TMEM117: variants seen among roughly 807,000 people sequenced by gnomAD.
TMEM117 encodes transmembrane protein 117.
TMEM117 carries 27 observed loss-of-function variants against 52.4 expected under a neutral mutation model. The observed-to-expected ratio is 0.51, with a 90% CI of 0.38 to 0.71. The LOEUF (loss-of-function observed/expected upper bound fraction) is 0.71, where lower values mean the gene tolerates loss of function less well. Ranked by LOEUF, TMEM117 falls within the 30% of genes least tolerant of loss-of-function variation. The pLI, the probability that TMEM117 is intolerant of heterozygous loss-of-function variation, is 0.00. For missense variants in TMEM117, 556 were observed against 630.5 expected (o/e 0.88, Z 1.26); for synonymous variants, 215 against 206.3 (o/e 1.04, Z -0.36).
intron 5 of TMEM117, among the ~76,000 whole-genome samples, chr12:44,267,392 A>G (rs950303600): frequency 3.9e-5 from 6 of 152,168 alleles, no homozygotes; most frequent in African/African-American, 1.4e-4. Context: ...AAAGTTGTAC[A>G]TATTTAATAT....
chr12:43,808,273 A>G, the TMEM117 span, among the ~76,000 whole-genome samples: 1 of 152,182 alleles, frequency 6.6e-6, no homozygotes, highest in Non-Finnish European at 1.5e-5. Context: ...GCTACCCTAC[A>G]CTTTCCAAAT....
chr12:43,817,846 C>T, the TMEM117 span, among the ~76,000 whole-genome samples: 2 of 152,134 alleles, frequency 1.3e-5, no homozygotes, highest in Non-Finnish European at 2.9e-5. Flanking sequence ...AAGCTTTATT[C>T]TTCAGAGAGT....
intron 6 of TMEM117, among the ~76,000 whole-genome samples, chr12:44,334,158 A>C (rs1472617831): frequency 3.3e-5 from 5 of 152,060 alleles, no homozygotes; most frequent in Admixed American, 6.6e-5. Context: ...TTCATGCCTA[A>C]TAAGATTGTA....
chr12:44,159,082 G>T (rs755323430), intron 4 of TMEM117, among the ~76,000 whole-genome samples: 16 of 152,168 alleles, frequency 1.1e-4, no homozygotes, highest in Admixed American at 3.3e-4. Context: ...GATTGGAGAT[G>T]GGGGCGGCAA....
intron 2 of TMEM117, among the ~76,000 whole-genome samples, chr12:43,890,127 A>G (rs1004047487): frequency 6.6e-6 from 1 of 152,228 alleles, no homozygotes; most frequent in East Asian, 1.9e-4. Context: ...CCCAGTATTC[A>G]TGACATGTTC....
intron 5 of TMEM117, among the ~76,000 whole-genome samples, chr12:44,237,680 G>A (rs879689539): frequency 7.9e-5 from 12 of 151,836 alleles, no homozygotes; most frequent in African/African-American, 2.2e-4. Flanking sequence ...TCCCACCACC[G>A]CACTCCCGCC....
intron 5 of TMEM117, among the ~76,000 whole-genome samples, chr12:44,254,654 A>G (rs1950236490): frequency 6.6e-6 from 1 of 151,752 alleles, no homozygotes; most frequent in Non-Finnish European, 1.5e-5. Flanking sequence ...TACCAGATAT[A>G]TATATATATA....
intron 3 of TMEM117, among the ~76,000 whole-genome samples, chr12:43,975,300 A>G (rs10880606): frequency 0.37 from 56,854 of 152,016 alleles, 13,301 homozygotes; most frequent in East Asian, 0.76. Context: ...TTGACTCTAT[A>G]TATTTGTAGT....
intron 4 of TMEM117, among the ~76,000 whole-genome samples, chr12:44,172,522 A>G (rs1305826290): frequency 6.6e-6 from 1 of 152,138 alleles, no homozygotes; most frequent in East Asian, 1.9e-4. Context: ...GTCATATTGG[A>G]TTAAGGGCTC....
the TMEM117 span, chr12:43,802,351 A>C: frequency 2.5e-6 from 4 of 1,599,012 alleles, no homozygotes; most frequent in African/African-American, 5.4e-5. Context: ...TGAGAATCTA[A>C]CCTGAATAAT....
At position 43,998,107 on chromosome 12, in the gene TMEM117, G is replaced by C. The variant is rs1946060785; in HGVS notation, c.410+53765G>C. Among the ~76,000 whole-genome samples the C allele has an allele frequency of 2.0e-5, 3 of 152,180 alleles. No homozygotes were observed. In the South Asian group the frequency reaches 6.2e-4, roughly 32 times the overall value. ...GTTTAAAGCGCTATGGAATCAACTAGGGAAGGTAAAATCTATAGCAAAAAT... is the reference window on the plus strand; with the variant it reads ...GTTTAAAGCGCTATGGAATCAACTACGGAAGGTAAAATCTATAGCAAAAAT... On this transcript the variant is annotated intron_variant, in intron 3 of 7. Coordinates refer to ENST00000266534, the MANE Select transcript of TMEM117 (RefSeq NM_032256.3).
intron 4 of TMEM117, among the ~76,000 whole-genome samples, chr12:44,199,563 AG>A (rs564787973): frequency 6.6e-6 from 1 of 152,194 alleles, no homozygotes; most frequent in African/African-American, 2.4e-5. Flanking sequence ...TTTCAGTGAT[AG>A]GGAAATTCTT....
At chr12:44,212,799 A>G (rs571833755) in intron 5 of TMEM117, among the ~76,000 whole-genome samples, 1 of 149,096 alleles carries the variant, frequency 6.7e-6, no homozygotes, top group Non-Finnish European at 1.5e-5. Flanking sequence ...CTGGCGGTTG[A>G]TTTTTTTTTT....
At chr12:43,983,899 T>C (rs775889683) in intron 3 of TMEM117, among the ~76,000 whole-genome samples, 24 of 152,214 alleles carry the variant, frequency 1.6e-4, no homozygotes, top group Non-Finnish European at 3.4e-4. Context: ...ATGCATATAT[T>C]AATAATAGGT....
chr12:43,795,821 G>A, the TMEM117 span: 4 of 1,502,368 alleles, frequency 2.7e-6, no homozygotes, highest in Non-Finnish European at 2.7e-6. Flanking sequence ...TGGTTTTCAG[G>A]TATATGAATG....
At chr12:43,969,286 T>A (rs529300257) in intron 3 of TMEM117, among the ~76,000 whole-genome samples, 63 of 144,318 alleles carry the variant, frequency 4.4e-4, no homozygotes, top group African/African-American at 1.4e-3. Flanking sequence ...TTCGGGAGAC[T>A]GAGGTGGGTG....
chr12:44,077,752 A>C (rs1057487549), intron 3 of TMEM117, among the ~76,000 whole-genome samples: 1 of 152,138 alleles, frequency 6.6e-6, no homozygotes, highest in Non-Finnish European at 1.5e-5. Flanking sequence ...AAAAAGATGC[A>C]AAATGTTACT....
In TMEM117 at chr12:44,389,066, A is replaced by ATGATTCGG; in HGVS notation, c.*394_*395insTGATTCGG. On this transcript the variant is annotated 3_prime_UTR_variant, in exon 8 of 8. Transcript: ENST00000266534. ...CCTATTTCACATGGGCGTTTTGTAT[A>ATGATTCGG]CAACTATTTTGATCTACACTTGATG... The ATGATTCGG allele has an allele frequency of 6.3e-6, 1 of 158,466 alleles. No homozygotes were observed. Among genetic ancestry groups the ATGATTCGG allele is most frequent in the Non-Finnish European group, 1.4e-5 (1 of 71,796 alleles). The allele number at this position is 158,466 out of a possible 1,614,324, so 9.8% of individuals were successfully genotyped here. A position where few individuals can be genotyped will look rare whatever the true frequency, so the allele number is the denominator to read the frequency against.
At chr12:43,943,681 G>T (rs1945082003) in intron 2 of TMEM117, among the ~76,000 whole-genome samples, 1 of 152,146 alleles carries the variant, frequency 6.6e-6, no homozygotes, top group African/African-American at 2.4e-5. Context: ...TTAAGAGTGA[G>T]GCTAAGCTGC....
Sources: gnomAD v4.1 joint callset for allele counts (sites outside exome capture counted in the v4.1 genomes callset) on GRCh38, gnomAD v4.1.1 for gene constraint, MANE v1.5 for transcripts, NCBI Gene and HGNC (gene_info 2026-07-23, HGNC 2026-07-21) for gene names.